CDK5RAP2: variants seen among roughly 807,000 people sequenced by gnomAD.
CDK5RAP2 encodes the protein CDK5 regulatory subunit associated protein 2.
Under a neutral mutation model 232.9 loss-of-function variants are expected in CDK5RAP2, and 147 were observed. That is an observed-to-expected ratio of 0.63 (90% CI 0.55 to 0.72). The LOEUF is 0.72. CDK5RAP2 is among the 30% of genes least tolerant of loss of function. The pLI is 0.00. For synonymous variants in CDK5RAP2, 833 were observed against 833.7 expected, an observed-to-expected ratio of 1.00 and a Z score of 0.01; for missense variants, 2,195 against 2,231.5, an observed-to-expected ratio of 0.98 and a Z score of 0.33.
At chr9:120,552,045 C>T (rs1206462844) in intron 3 of CDK5RAP2, among the ~76,000 whole-genome samples, 2 of 151,834 alleles carry the variant, frequency 1.3e-5, no homozygotes, top group African/African-American at 4.8e-5. Flanking sequence ...TATGAACAGA[C>T]ACTTCTCAAA....
At chr9:120,564,003 A>T (rs868834115) in intron 3 of CDK5RAP2, among the ~76,000 whole-genome samples, 91 of 152,362 alleles carry the variant, frequency 6.0e-4, no homozygotes, top group African/African-American at 1.9e-3. Flanking sequence ...TGGACAGGAT[A>T]CAGGCAATTG....
At chr9:120,432,995 G>A (rs1329143565) in intron 25 of CDK5RAP2, among the ~76,000 whole-genome samples, 1 of 152,134 alleles carries the variant, frequency 6.6e-6, no homozygotes, top group Non-Finnish European at 1.5e-5. Flanking sequence ...ATAAAGCTGG[G>A]AAAAGTCAGG....
At chr9:120,577,423 A>G (rs2043077488) in intron 1 of CDK5RAP2, among the ~76,000 whole-genome samples, 1 of 151,908 alleles carries the variant, frequency 6.6e-6, no homozygotes, top group Non-Finnish European at 1.5e-5. Flanking sequence ...AGGCTGGGAG[A>G]AGGGGGGAAT....
intron 14 of CDK5RAP2, among the ~76,000 whole-genome samples, chr9:120,482,018 A>G (rs1485278815): frequency 6.6e-6 from 1 of 152,234 alleles, no homozygotes; most frequent in African/African-American, 2.4e-5. Context: ...TAGTTGCCAC[A>G]GCATTCCAGG....
intron 18 of CDK5RAP2, among the ~76,000 whole-genome samples, chr9:120,461,377 G>A (rs905261489): frequency 5.3e-5 from 8 of 152,136 alleles, no homozygotes; most frequent in African/African-American, 1.7e-4. Context: ...CAAAATGGAC[G>A]GTACAAAGTT....
At chr9:120,549,682 T>G (rs2041980186) in intron 4 of CDK5RAP2, among the ~76,000 whole-genome samples, 1 of 152,198 alleles carries the variant, frequency 6.6e-6, no homozygotes, top group African/African-American at 2.4e-5. Flanking sequence ...CTGATAGAGT[T>G]GGCAACAGAC....
At chr9:120,407,469 G>C (rs999000806) in intron 31 of CDK5RAP2, 1 of 579,326 alleles carries the variant, frequency 1.7e-6, no homozygotes, top group African/African-American at 1.9e-5. Flanking sequence ...ATTAATTTTC[G>C]CTTCTGGCCA....
At chr9:120,558,315 G>C (rs1372845589) in intron 3 of CDK5RAP2, among the ~76,000 whole-genome samples, 2 of 123,008 alleles carry the variant, frequency 1.6e-5, no homozygotes, top group Non-Finnish European at 3.2e-5. Flanking sequence ...GGAGCTTGCA[G>C]TGAGCCGAGA....
At chr9:120,556,749 T>C (rs1271094935) in intron 3 of CDK5RAP2, among the ~76,000 whole-genome samples, 1 of 152,142 alleles carries the variant, frequency 6.6e-6, no homozygotes, top group Admixed American at 6.5e-5. Flanking sequence ...ATTTTATGAC[T>C]GAATAAAAGA....
intron 14 of CDK5RAP2, among the ~76,000 whole-genome samples, chr9:120,479,798 C>G (rs185820119): frequency 2.6e-4 from 40 of 152,292 alleles, no homozygotes; most frequent in African/African-American, 8.9e-4. Flanking sequence ...CCTTTCACTA[C>G]AAAGGGTGTT....
intron 14 of CDK5RAP2, among the ~76,000 whole-genome samples, chr9:120,483,863 C>T (rs1002689844): frequency 6.6e-6 from 1 of 152,190 alleles, no homozygotes; most frequent in Admixed American, 6.5e-5. Context: ...AAGGAGAAAG[C>T]TTAATGGATC....
intron 12 of CDK5RAP2, among the ~76,000 whole-genome samples, chr9:120,498,707 A>G (rs2039433659): frequency 6.6e-6 from 1 of 150,424 alleles, no homozygotes; most frequent in Non-Finnish European, 1.5e-5. Context: ...TTTCAAAATA[A>G]AAAGGCTTTA....
At chr9:120,427,595 G>A (rs187364530) in intron 25 of CDK5RAP2, among the ~76,000 whole-genome samples, 147 of 152,288 alleles carry the variant, frequency 9.7e-4, no homozygotes, top group African/African-American at 2.8e-3. Context: ...TAAACAAACC[G>A]GGGGTGGGAG....
chr9:120,511,791 G>A (rs903356074), intron 12 of CDK5RAP2, among the ~76,000 whole-genome samples: 2 of 144,170 alleles, frequency 1.4e-5, no homozygotes, highest in Non-Finnish European at 3.0e-5. Flanking sequence ...AGGCTGGAGT[G>A]TAGTGGCACG....
At chr9:120,470,598 A>G (rs527363508) in intron 16 of CDK5RAP2, among the ~76,000 whole-genome samples, 66 of 151,932 alleles carry the variant, frequency 4.3e-4, no homozygotes, top group African/African-American at 1.5e-3. Context: ...GAAAAATTAG[A>G]TGTGACCCTC....
intron 9 of CDK5RAP2, among the ~76,000 whole-genome samples, chr9:120,528,510 C>T (rs1444393591): frequency 1.3e-5 from 2 of 152,126 alleles, no homozygotes; most frequent in African/African-American, 4.8e-5. Context: ...AGGCAAGTGA[C>T]CTCACCTCTC....
At chr9:120,408,613 C>A in intron 30 of CDK5RAP2, 145 bp from the exon 31 acceptor site, 1 of 893,574 alleles carries the variant, frequency 1.1e-6, no homozygotes, top group Non-Finnish European at 1.8e-6. Context: ...ATTCCATGTG[C>A]TCTCTAATCC....
chr9:120,509,770 G>T (rs1176929658), intron 12 of CDK5RAP2, among the ~76,000 whole-genome samples: 3 of 152,154 alleles, frequency 2.0e-5, no homozygotes. Context: ...TAAGAAATGG[G>T]CATACTATGG....
In CDK5RAP2 at chr9:120,458,481, T is replaced by C. The variant is rs2036907689; in HGVS notation, c.2344A>G (p.Asn782Asp). The C allele has an allele frequency of 1.2e-6, 2 of 1,613,968 alleles. No individual in the cohort carries two copies. The highest frequency in any genetic ancestry group is 1.7e-6 in the Non-Finnish European group (2 of 1,180,028). The change falls in exon 20 of 38, where the codon AAT (asparagine) becomes GAT (aspartate). Residue 782 changes from asparagine (N) to aspartate (D), a missense_variant. Asn to Asp is a conservative substitution (Grantham distance 23, BLOSUM62 1). Coordinates refer to ENST00000349780, the MANE Select transcript of CDK5RAP2 (RefSeq NM_018249.6). ...TCCAGTAATAATGTGGCCTTCTCAT[T>C]GAACAAAGGGGCAAGCAGGTTTATG... is the stretch of plus-strand genomic sequence containing the variant. ...AFINLLAPLF[N>D]EKATLLLESR...
Sources: allele counts gnomAD v4.1 joint callset (sites outside exome capture counted in the v4.1 genomes callset), GRCh38; gene constraint gnomAD v4.1.1; transcripts MANE v1.5; gene names NCBI Gene and HGNC (gene_info 2026-07-23, HGNC 2026-07-21).